Variants in NUBPL observed in about 807,000 individuals in gnomAD.
NUBPL encodes iron-sulfur cluster transfer protein NUBPL.
In NUBPL, 31 loss-of-function variants were observed where a neutral mutation model predicts 45.7. The ratio of observed to expected loss-of-function variants is 0.68; its 90% confidence interval spans 0.51 to 0.92. NUBPL has a LOEUF of 0.92. Ranked by LOEUF, NUBPL falls within the 40% of genes least tolerant of loss-of-function variation. The pLI is 0.00. For missense variants in NUBPL, 401 were observed against 398.7 expected, an observed-to-expected ratio of 1.01 and a Z score of -0.05; for synonymous variants, 144 against 140.9, an observed-to-expected ratio of 1.02 and a Z score of -0.15.
intron 9 of NUBPL, 87 bp downstream of exon 9, chr14:31,846,678 C>G: frequency 2.5e-6 from 4 of 1,572,276 alleles, no homozygotes; most frequent in Non-Finnish European, 3.4e-6. Context: ...TCTCAGAGGC[C>G]GGGCACGGAG....
In NUBPL at chr14:31,860,060, T is replaced by C. The variant is rs2040688363; in HGVS notation, c.*880T>C. On this transcript the variant is annotated 3_prime_UTR_variant, in exon 11 of 11. Coordinates refer to ENST00000281081, the MANE Select transcript of NUBPL (RefSeq NM_025152.3). ...TGGCTCACGCCTGTAATCCCAGCAC[T>C]TTGGGAGGTTGAGGTGGGTGGATCA... The C allele has an allele frequency of 6.6e-6, 1 of 151,938 alleles. No homozygotes were observed. Among genetic ancestry groups the C allele is most frequent in the South Asian group, 2.1e-4 (1 of 4,816 alleles). 9.4% of individuals were successfully genotyped at this position (151,938 alleles called of 1,614,324 possible). A position where few individuals can be genotyped will look rare whatever the true frequency, so the allele number is the denominator to read the frequency against.
chr14:31,842,489 T>A (rs2040392660), intron 8 of NUBPL, among the ~76,000 whole-genome samples: 1 of 152,130 alleles, frequency 6.6e-6, no homozygotes, highest in Non-Finnish European at 1.5e-5. Context: ...TTTTTTTTCC[T>A]TTCTGAAATA....
At chr14:31,806,224 A>G (rs1405094945) in intron 7 of NUBPL, among the ~76,000 whole-genome samples, 1 of 152,192 alleles carries the variant, frequency 6.6e-6, no homozygotes, top group Non-Finnish European at 1.5e-5. Context: ...CTCTGTCTCT[A>G]TTCCTTTATT....
rs530161847 is a variant in NUBPL, at chr14:31,648,325, A to G, written c.383-25030A>G. Among the ~76,000 whole-genome samples, 5 of 152,342 alleles carry G rather than the reference A, an allele frequency of 3.3e-5. No homozygotes were observed. In the South Asian group the frequency reaches 1.0e-3, roughly 32 times the overall value. ...TTGTAAGAAAAGCCATGGACTGGAA[A>G]AATCCTAGTACCATAAGAAGGAAAT... On this transcript the variant is annotated intron_variant, in intron 4 of 10. Transcript: ENST00000281081.
In NUBPL at chr14:31,648,848, C is replaced by T. The variant is rs547203985; in HGVS notation, c.383-24507C>T. ...TTGTTTTGAGACAGTCTCGTGTTTT[C>T]GCCAGGCTGGAGCGCAGTGGTGCTA... is the stretch of plus-strand genomic sequence containing the variant. On this transcript the variant is annotated intron_variant, in intron 4 of 10. Coordinates refer to ENST00000281081, the MANE Select transcript of NUBPL (RefSeq NM_025152.3). 7.9e-5 allele frequency among the ~76,000 whole-genome samples: 12 copies of T among 152,248 alleles called. No homozygotes were observed. In the East Asian group the frequency reaches 1.2e-3, roughly 15 times the overall value.
intron 6 of NUBPL, among the ~76,000 whole-genome samples, chr14:31,705,964 AC>A (rs2037441456): frequency 6.6e-6 from 1 of 152,022 alleles, no homozygotes; most frequent in South Asian, 2.1e-4. Context: ...CCCAGCTCCC[AC>A]CCGTGCCTCT....
intron 6 of NUBPL, among the ~76,000 whole-genome samples, chr14:31,750,203 C>G (rs995143370): frequency 1.0e-4 from 15 of 145,418 alleles, no homozygotes; most frequent in Non-Finnish European, 1.9e-4. Context: ...GAGACGGAGT[C>G]TTGCTCTGTC....
chr14:31,810,856 T>G (rs2039789117), intron 7 of NUBPL, among the ~76,000 whole-genome samples: 1 of 152,196 alleles, frequency 6.6e-6, no homozygotes, highest in Non-Finnish European at 1.5e-5. Context: ...GTAAAGGATT[T>G]TATTTCTCCT....
At chr14:31,610,461 G>C (rs1409337287) in intron 4 of NUBPL, among the ~76,000 whole-genome samples, 1 of 151,764 alleles carries the variant, frequency 6.6e-6, no homozygotes, top group East Asian at 1.9e-4. Context: ...CGACCCAATA[G>C]CTTCACTGCT....
At chr14:31,695,405 C>A (rs964259594) in intron 6 of NUBPL, among the ~76,000 whole-genome samples, 1 of 145,578 alleles carries the variant, frequency 6.9e-6, no homozygotes, top group Non-Finnish European at 1.5e-5. Flanking sequence ...ATTACTGCAA[C>A]TTTTTAGATT....
chr14:31,579,102 G>A (rs1265697666), intron 3 of NUBPL, among the ~76,000 whole-genome samples: 3 of 152,156 alleles, frequency 2.0e-5, no homozygotes, highest in Admixed American at 6.5e-5. Context: ...GGAAGCATAA[G>A]CCTTCTCCAA....
chr14:31,738,699 A>C (rs1192573746), intron 6 of NUBPL, among the ~76,000 whole-genome samples: 1 of 152,220 alleles, frequency 6.6e-6, no homozygotes, highest in Non-Finnish European at 1.5e-5. Flanking sequence ...TAGGAATGAT[A>C]ATTTAAAAAA....
At chr14:31,617,878 A>C (rs868553959) in intron 4 of NUBPL, among the ~76,000 whole-genome samples, 1 of 152,220 alleles carries the variant, frequency 6.6e-6, no homozygotes, top group Non-Finnish European at 1.5e-5. Context: ...TACCTCTGGT[A>C]GAATTAGGCT....
At chr14:31,652,433 A>C (rs1016907803) in intron 4 of NUBPL, among the ~76,000 whole-genome samples, 12 of 152,286 alleles carry the variant, frequency 7.9e-5, no homozygotes, top group African/African-American at 2.9e-4. Context: ...TTGCTAAGAG[A>C]GTACATTTTA....
intron 4 of NUBPL, among the ~76,000 whole-genome samples, chr14:31,627,829 T>G (rs1224953613): frequency 6.6e-6 from 1 of 152,108 alleles, no homozygotes; most frequent in Non-Finnish European, 1.5e-5. Context: ...TTATATTTAT[T>G]TATATTTACC....
chr14:31,841,933 T>TTG lies in NUBPL; in HGVS notation c.694-4537_694-4536insGT, dbSNP rs1595701206. On this transcript the variant is annotated intron_variant, in intron 8 of 10. Transcript: ENST00000281081. ...GATTCTGGGCTTTTTTTTTTTTTTT[T>TTG]TTTTTTTTTTTTTTTGAGACGGGGT... is the stretch of plus-strand genomic sequence containing the variant. Among the ~76,000 whole-genome samples the TTG allele has an allele frequency of 3.2e-5, 4 of 124,386 alleles. 1 individual carries two copies. Among genetic ancestry groups the TTG allele is most frequent in the African/African-American group, 1.3e-4 (4 of 31,894 alleles). The allele number at this position is 124,386 out of a possible 152,430, so 81.6% of individuals were successfully genotyped here.
At chr14:31,567,246 A>C (rs1285942195) in intron 3 of NUBPL, among the ~76,000 whole-genome samples, 6 of 152,268 alleles carry the variant, frequency 3.9e-5, no homozygotes, top group African/African-American at 1.4e-4. Flanking sequence ...TCCCTCTCAA[A>C]GAGTTTAGGT....
At chr14:31,573,705 A>G (rs1256549753) in intron 3 of NUBPL, among the ~76,000 whole-genome samples, 1 of 152,024 alleles carries the variant, frequency 6.6e-6, no homozygotes. Context: ...TTGGATCCAT[A>G]TTGTGGATCT....
intron 6 of NUBPL, among the ~76,000 whole-genome samples, chr14:31,730,680 A>G (rs999616386): frequency 4.0e-5 from 6 of 151,880 alleles, no homozygotes; most frequent in Admixed American, 1.3e-4. Context: ...GTTAGCCAGG[A>G]TGGTCTCGAT....
Sources: allele counts gnomAD v4.1 joint callset (sites outside exome capture counted in the v4.1 genomes callset), GRCh38; gene constraint gnomAD v4.1.1; transcripts MANE v1.5; gene names NCBI Gene and HGNC (gene_info 2026-07-23, HGNC 2026-07-21).